The following ASB9 variants were observed in gnomAD, a reference collection of about 807,000 sequenced individuals.
The protein encoded by ASB9 is ankyrin repeat and SOCS box containing 9.
A neutral mutation model predicts 16.6 loss-of-function variants in ASB9; 5 were observed. The ratio of observed to expected loss-of-function variants is 0.30; its 90% confidence interval spans 0.16 to 0.63. The LOEUF (loss-of-function observed/expected upper bound fraction) is 0.63, where lower values mean the gene tolerates loss of function less well. Among genes scored for constraint, ASB9 ranks in the 30% least tolerant of loss-of-function variants. The probability of loss-of-function intolerance (pLI) is 0.82; values close to 1 mark genes in which losing one functional copy is unlikely to be tolerated. For missense variants in ASB9, 216 were observed against 229.4 expected, an observed-to-expected ratio of 0.94 and a Z score of 0.38; for synonymous variants, 100 against 86.4, an observed-to-expected ratio of 1.16 and a Z score of -0.87.
At chrX:15,250,190 G>GCAT (rs753079951) in intron 5 of ASB9, among the ~76,000 whole-genome samples, 288 of 104,527 alleles carry the variant, frequency 2.8e-3, no homozygotes, top group African/African-American at 9.1e-3. Context: ...CTGAGAAGAG[G>GCAT]CATCATCATC....
In ASB9 at chrX:15,248,789, C is replaced by T. The variant is rs979686701; in HGVS notation, c.715G>A (p.Val239Met). The stretch of plus-strand genomic sequence containing the variant: ...TGGGCCAAGGGGCTCTCTGGAGGCA[C>T]CAGCTCCACAGGACGTTTGCCTTCA... Reference protein sequence around the residue: ...NAEGKRPVELVPPESPLAQLF... With the variant: ...NAEGKRPVELMPPESPLAQLF... The change falls in exon 6 of 7, where the codon GTG (valine) becomes ATG (methionine). Residue 239 changes from valine to methionine, a missense_variant. Transcript: ENST00000380488. 15 of 1,209,738 alleles carry T rather than the reference C, an allele frequency of 1.2e-5. No individual in the cohort carries two copies. In the East Asian group the frequency reaches 4.1e-4, roughly 33 times the overall value.
intron 1 of ASB9, among the ~76,000 whole-genome samples, chrX:15,266,982 G>C (rs1282144343): frequency 8.8e-6 from 1 of 113,287 alleles, no homozygotes; most frequent in African/African-American, 3.2e-5. Flanking sequence ...GTGAAAAGTG[G>C]CTGGTGCCTC....
chrX:15,248,258 T>C (rs1924829015), intron 6 of ASB9, among the ~76,000 whole-genome samples: 1 of 109,210 alleles, frequency 9.2e-6, no homozygotes, highest in Admixed American at 9.8e-5. Flanking sequence ...TTATCATTGG[T>C]TAATTTATAA....
At chrX:15,260,017 G>A in intron 1 of ASB9, among the ~76,000 whole-genome samples, 1 of 111,755 alleles carries the variant, frequency 8.9e-6, no homozygotes. Context: ...TACTTACCAT[G>A]GCTCAACACA....
chrX:15,262,851 C>T lies in ASB9; in HGVS notation c.95-3906G>A, dbSNP rs561120264. Among the ~76,000 whole-genome samples, 51 of 112,166 alleles carry T rather than the reference C, an allele frequency of 4.5e-4. 1 individual carries two copies. In the South Asian group the frequency reaches 0.018, roughly 40 times the overall value. On this transcript the variant is annotated intron_variant, in intron 1 of 6. Coordinates refer to ENST00000380488, the MANE Select transcript of ASB9 (RefSeq NM_001031739.3). Reference sequence around the variant, plus strand: ...TTCACCATGTTGGCCAGGCTGGTCTCCAACTCCTGACCTCAAGTGATCCAT... The same window carrying T: ...TTCACCATGTTGGCCAGGCTGGTCTTCAACTCCTGACCTCAAGTGATCCAT...
chrX:15,245,374 C>T (rs1924573413), intron 6 of ASB9, among the ~76,000 whole-genome samples: 1 of 110,299 alleles, frequency 9.1e-6, no homozygotes, highest in Non-Finnish European at 1.9e-5. Flanking sequence ...TTCTAAAAAT[C>T]CCAGAGTACA....
intron 1 of ASB9, 54 bp from the exon 2 acceptor site, chrX:15,258,999 GGCTTATCCTTGCCCATCAATAAGAGCC>G: frequency 1.0e-6 from 1 of 980,972 alleles, no homozygotes; most frequent in Non-Finnish European, 1.4e-6. Flanking sequence ...TAGACCCAGA[GGCTTATCCTTGCCCATCAATAAGAGCC>G]TAACAGGCCC....
At chrX:15,268,334 A>ACAAAAC (rs1555935005) in intron 1 of ASB9, among the ~76,000 whole-genome samples, 3 of 104,291 alleles carry the variant, frequency 2.9e-5, no homozygotes, top group East Asian at 6.3e-4. Context: ...TCCGTCTCAA[A>ACAAAAC]AAAACAAAAC....
intron 3 of ASB9, 60 bp from the exon 4 acceptor site, chrX:15,252,464 G>T: frequency 1.9e-6 from 2 of 1,043,489 alleles, no homozygotes; most frequent in Non-Finnish European, 2.6e-6. Flanking sequence ...TCAAATGTGG[G>T]GTCCACCACT....
In ASB9 at chrX:15,244,411, C is replaced by G; in HGVS notation, c.*95G>C. ...TACAAATCTAATCGAAAAAACTAGTCAAACTCTATAAATCCAACTTGATTT... is the reference window on the plus strand; with the variant it reads ...TACAAATCTAATCGAAAAAACTAGTGAAACTCTATAAATCCAACTTGATTT... On this transcript the variant is annotated 3_prime_UTR_variant, in exon 7 of 7. Transcript: ENST00000380488. The G allele has an allele frequency of 2.0e-6, 2 of 1,017,355 alleles. No homozygotes were observed. The highest frequency in any genetic ancestry group is 1.3e-6 in the Non-Finnish European group (1 of 742,141). The allele number at this position is 1,017,355 out of a possible 1,213,427, so 83.8% of individuals were successfully genotyped here.
chrX:15,266,912 G>A (rs749224136), intron 1 of ASB9, among the ~76,000 whole-genome samples: 88 of 95,082 alleles, frequency 9.3e-4, no homozygotes, highest in African/African-American at 3.5e-3. Flanking sequence ...CTCCAGCCTG[G>A]GCGACAGAGC....
At chrX:15,261,178 T>C (rs1925939742) in intron 1 of ASB9, among the ~76,000 whole-genome samples, 1 of 112,174 alleles carries the variant, frequency 8.9e-6, no homozygotes, top group South Asian at 3.7e-4. Context: ...ATGGAAAGAT[T>C]GATCTCCAAA....
rs1370794990 is a variant in ASB9 at position 15,244,411 on chromosome X, C to CA, written c.*94dup. On this transcript the variant is annotated 3_prime_UTR_variant, in exon 7 of 7. Transcript: ENST00000380488. ...TACAAATCTAATCGAAAAAACTAGT[C>CA]AAACTCTATAAATCCAACTTGATTT... 8 of 1,015,813 alleles carry CA rather than the reference C, an allele frequency of 7.9e-6. No individual in the cohort carries two copies. Among genetic ancestry groups the CA allele is most frequent in the Non-Finnish European group, 9.4e-6 (7 of 741,950 alleles). 83.7% of individuals were successfully genotyped at this position (1,015,813 alleles called of 1,213,427 possible).
chrX:15,270,038 A>T lies in ASB9; in HGVS notation c.-164T>A, dbSNP rs1166037466. ...CAGCAAAGCACAGAGCAGGCAGGGT[A>T]ATCTGAGTGCTACCTGTGATCAGAG... On this transcript the variant is annotated 5_prime_UTR_variant, in exon 1 of 7. Coordinates refer to ENST00000380488, the MANE Select transcript of ASB9 (RefSeq NM_001031739.3). 3 of 386,301 alleles carry T rather than the reference A, an allele frequency of 7.8e-6. No homozygotes were observed. Among genetic ancestry groups the T allele is most frequent in the Non-Finnish European group, 8.8e-6 (2 of 226,414 alleles). 31.8% of individuals were successfully genotyped at this position (386,301 alleles called of 1,213,427 possible).
chrX:15,244,346 GA>G lies in ASB9; in HGVS notation c.*159del. 1 of 607,843 alleles carries G rather than the reference GA, an allele frequency of 1.6e-6. No homozygotes were observed. The highest frequency in any genetic ancestry group is 2.5e-6 in the Non-Finnish European group (1 of 406,168). The allele number at this position is 607,843 out of a possible 1,213,427, so 50.1% of individuals were successfully genotyped here. A position where few individuals can be genotyped will look rare whatever the true frequency, so the allele number is the denominator to read the frequency against. ...GAGTTTAACAAATACAAATTGAATA[GA>G]AAAAATTAGTCAAACTCCATAAACA... On this transcript the variant is annotated 3_prime_UTR_variant, in exon 7 of 7. Transcript: ENST00000380488.
intron 4 of ASB9, among the ~76,000 whole-genome samples, chrX:15,251,474 T>C (rs1460560057): frequency 8.9e-6 from 1 of 112,262 alleles, no homozygotes; most frequent in East Asian, 2.8e-4. Context: ...TTGCTGTATT[T>C]TAGTTCTATG....
Position 15,250,484 on chromosome X carries a change from A to T in ASB9, c.514T>A (p.Tyr172Asn). 1 of 1,210,504 alleles carries T rather than the reference A, an allele frequency of 8.3e-7. No individual in the cohort carries two copies. Among genetic ancestry groups the T allele is most frequent in the Non-Finnish European group, 1.1e-6 (1 of 894,037 alleles). ...CTCTGTTGGTTTTCACAAGCCAAATAGAGTGGAGTGCCCAGGTGGCTGATC... is the reference window on the plus strand; with the variant it reads ...CTCTGTTGGTTTTCACAAGCCAAATTGAGTGGAGTGCCCAGGTGGCTGATC... Reference protein sequence around the residue: ...HKISHLGTPLYLACENQQRAC... With the variant: ...HKISHLGTPLNLACENQQRAC... The change falls in exon 5 of 7, where the codon TAT (tyrosine) becomes AAT (asparagine). Residue 172 changes from tyrosine (Y) to asparagine (N), a missense_variant. Physicochemically the swap from Tyr to Asn is moderately radical, Grantham distance 143 (BLOSUM62 -2). Transcript: ENST00000380488.
intron 4 of ASB9, among the ~76,000 whole-genome samples, chrX:15,250,863 G>C (rs779973139): frequency 2.8e-3 from 310 of 111,611 alleles, no homozygotes; most frequent in African/African-American, 9.5e-3. Context: ...TGGTACTACA[G>C]GCGCCCGCCA....
intron 2 of ASB9, among the ~76,000 whole-genome samples, chrX:15,256,998 T>C (rs749377995): frequency 3.6e-5 from 4 of 110,526 alleles, no homozygotes; most frequent in Non-Finnish European, 7.6e-5. Context: ...ATCATGCAAG[T>C]GTATCAGACA....
Sources: gnomAD v4.1 joint callset for allele counts (sites outside exome capture counted in the v4.1 genomes callset) on GRCh38, gnomAD v4.1.1 for gene constraint, MANE v1.5 for transcripts, NCBI Gene and HGNC (gene_info 2026-07-23, HGNC 2026-07-21) for gene names.